Variants in PI4K2A observed in about 807,000 individuals in gnomAD.
PI4K2A encodes the protein phosphatidylinositol 4-kinase type 2 alpha, also known as phosphatidylinositol 4-kinase type 2-alpha.
Under a neutral mutation model 55.0 loss-of-function variants are expected in PI4K2A, and 20 were observed. That is an observed-to-expected ratio of 0.36 (90% CI 0.26 to 0.53). The LOEUF (loss-of-function observed/expected upper bound fraction) is 0.53. Ranked by LOEUF, PI4K2A falls within the 20% of genes least tolerant of loss-of-function variation. PI4K2A has a pLI of 0.91. For missense variants in PI4K2A, 463 were observed against 637.1 expected (o/e 0.73, Z 2.94); for synonymous variants, 235 against 258.5 (o/e 0.91, Z 0.87).
intron 1 of PI4K2A, among the ~76,000 whole-genome samples, chr10:97,643,875 C>T (rs947364457): frequency 3.3e-5 from 5 of 152,136 alleles, no homozygotes; most frequent in Admixed American, 6.5e-5. Flanking sequence ...TCTTTATAAC[C>T]ACCCTTGGAG....
At position 97,672,722 on chromosome 10, in the gene PI4K2A, G is replaced by GTTTTTTTTTTT. The variant is rs201709914; in HGVS notation, c.1279-857_1279-856insTTTTTTTTTTT. Among the ~76,000 whole-genome samples, 45 of 94,772 alleles carry GTTTTTTTTTTT rather than the reference G, an allele frequency of 4.7e-4. 2 individuals are homozygous for GTTTTTTTTTTT. The highest frequency in any genetic ancestry group is 1.3e-3 in the South Asian group (4 of 3,186). The allele number at this position is 94,772 out of a possible 152,430, so 62.2% of individuals were successfully genotyped here. A position where few individuals can be genotyped will look rare whatever the true frequency, so the allele number is the denominator to read the frequency against. On this transcript the variant is annotated intron_variant, in intron 8 of 8. Coordinates refer to ENST00000370631, the Ensembl canonical transcript of PI4K2A. ...ATGGAATTGCCGAGTCAGAGGGTCT[G>GTTTTTTTTTTT]TTCTTTTTTTTTTTTTTTTTTTTTT... is the stretch of plus-strand genomic sequence containing the variant.
chr10:97,649,664 C>A (rs2041521713), intron 1 of PI4K2A, among the ~76,000 whole-genome samples: 1 of 119,736 alleles, frequency 8.4e-6, no homozygotes, highest in South Asian at 2.8e-4. Context: ...GGTCTTGTCA[C>A]CCAGGCTGGA....
At chr10:97,658,035 A>T (rs1416483359) in intron 4 of PI4K2A, among the ~76,000 whole-genome samples, 1 of 152,140 alleles carries the variant, frequency 6.6e-6, no homozygotes, top group Non-Finnish European at 1.5e-5. Flanking sequence ...GGGTTTCACC[A>T]TGTTGGCCAG....
intron 1 of PI4K2A, among the ~76,000 whole-genome samples, chr10:97,645,141 A>G (rs372054747): frequency 7.2e-5 from 11 of 152,214 alleles, no homozygotes; most frequent in African/African-American, 2.6e-4. Flanking sequence ...CATTGCCAAG[A>G]ATCATAGGAC....
At chr10:97,650,498 T>C (rs2041525981) in intron 1 of PI4K2A, among the ~76,000 whole-genome samples, 1 of 152,130 alleles carries the variant, frequency 6.6e-6, no homozygotes, top group African/African-American at 2.4e-5. Flanking sequence ...GCCAGGCTGG[T>C]CTCAAACTCC....
chr10:97,667,825 A>C (rs1031307265), intron 8 of PI4K2A, among the ~76,000 whole-genome samples: 4 of 152,222 alleles, frequency 2.6e-5, no homozygotes, highest in Non-Finnish European at 5.9e-5. Context: ...TCTTGTTCAT[A>C]AAACAGGATA....
exon 9 of PI4K2A, chr10:97,676,308 T>A (rs1438995371): frequency 1.3e-5 from 2 of 152,258 alleles, no homozygotes; most frequent in African/African-American, 4.8e-5. Context: ...TATGATGTGT[T>A]CCTTTTAGTG....
chr10:97,665,468 T>C (rs1450515424), intron 6 of PI4K2A, among the ~76,000 whole-genome samples: 2 of 152,052 alleles, frequency 1.3e-5, no homozygotes, highest in Non-Finnish European at 2.9e-5. Flanking sequence ...GAGACGGGGT[T>C]TCACCATGTT....
chr10:97,656,785 T>G lies in PI4K2A; in HGVS notation c.769-36T>G. ...TCCAAAGGTCTTTGGATTTGGGCAG[T>G]AGGGAAAAACCTTTGTTCCTTCCTC... On this transcript the variant is annotated intron_variant, in intron 3 of 8. Coordinates refer to ENST00000370631, the Ensembl canonical transcript of PI4K2A. This position sits in a 1 kb window ranked among gnomAD's most constrained non-coding sequence, Gnocchi z 4.5. The G allele has an allele frequency of 6.2e-7, 1 of 1,607,198 alleles. No individual in the cohort carries two copies. The highest frequency in any genetic ancestry group is 8.5e-7 in the Non-Finnish European group (1 of 1,174,170).
intron 4 of PI4K2A, 63 bp downstream of exon 4, chr10:97,657,037 G>C: frequency 1.9e-6 from 3 of 1,552,372 alleles, no homozygotes; most frequent in East Asian, 4.5e-5. Context: ...GGGAGGCCTG[G>C]AGGCTTGCAG....
At chr10:97,645,083 G>C (rs1445558952) in intron 1 of PI4K2A, among the ~76,000 whole-genome samples, 9 of 151,908 alleles carry the variant, frequency 5.9e-5, no homozygotes, top group African/African-American at 2.2e-4. Flanking sequence ...ACTGCAAAAG[G>C]GTTTTTTGAG....
At chr10:97,665,100 T>C (rs1463214151) in intron 6 of PI4K2A, 116 bp downstream of exon 6, 1 of 655,074 alleles carries the variant, frequency 1.5e-6, no homozygotes, top group Non-Finnish European at 2.6e-6. Context: ...AATGAAATAA[T>C]GGAGTTCAGG....
intron 5 of PI4K2A, among the ~76,000 whole-genome samples, chr10:97,664,618 C>T (rs566956010): frequency 6.6e-6 from 1 of 152,296 alleles, no homozygotes; most frequent in South Asian, 2.1e-4. Context: ...TCATTTCCTT[C>T]TTACCAAGGA....
chr10:97,660,214 G>A (rs2041574697), intron 4 of PI4K2A, among the ~76,000 whole-genome samples: 1 of 149,888 alleles, frequency 6.7e-6, no homozygotes, highest in Admixed American at 6.6e-5. Flanking sequence ...TGTTAGCCAG[G>A]ATGGTCTCGA....
chr10:97,666,666 C>A, intron 7 of PI4K2A, 95 bp downstream of exon 7: 3 of 1,076,354 alleles, frequency 2.8e-6, no homozygotes, highest in Non-Finnish European at 2.7e-6. Context: ...GAGGAAATGG[C>A]TAACACCTTT....
chr10:97,657,018 T>G (rs1265552077), intron 4 of PI4K2A, 44 bp downstream of exon 4: 1 of 1,606,882 alleles, frequency 6.2e-7, no homozygotes, highest in South Asian at 1.1e-5. Flanking sequence ...CAGACTGTGT[T>G]GAGGCATGGG....
At chr10:97,658,582 A>G (rs949125321) in intron 4 of PI4K2A, among the ~76,000 whole-genome samples, 1 of 152,106 alleles carries the variant, frequency 6.6e-6, no homozygotes, top group Non-Finnish European at 1.5e-5. Flanking sequence ...CATATATGGT[A>G]ATTCTATTTT....
At chr10:97,655,018 A>C (rs2041545926) in intron 2 of PI4K2A, among the ~76,000 whole-genome samples, 1 of 152,154 alleles carries the variant, frequency 6.6e-6, no homozygotes, top group Admixed American at 6.6e-5. Flanking sequence ...CAGTTAATTA[A>C]AATGAAAACC....
chr10:97,663,798 C>T (rs1427041636), intron 5 of PI4K2A, among the ~76,000 whole-genome samples: 11 of 139,828 alleles, frequency 7.9e-5, no homozygotes, highest in African/African-American at 2.4e-4. Context: ...CCAGCCCAGA[C>T]GACAGAGCAA....
Sources: allele counts gnomAD v4.1 joint callset (sites outside exome capture counted in the v4.1 genomes callset), GRCh38; gene constraint gnomAD v4.1.1; non-coding constraint Gnocchi (gnomAD v3.1); transcripts MANE v1.5; gene names NCBI Gene and HGNC (gene_info 2026-07-23, HGNC 2026-07-21).